CPNE4: variants seen among roughly 807,000 people sequenced by gnomAD.
CPNE4 encodes copine 4.
A neutral mutation model predicts 67.9 loss-of-function variants in CPNE4; 25 were observed. The ratio of observed to expected loss-of-function variants is 0.37; its 90% CI spans 0.27 to 0.51. The LOEUF (loss-of-function observed/expected upper bound fraction) is 0.51, where lower values mean the gene tolerates loss of function less well. Ranked by LOEUF, CPNE4 falls within the 20% of genes least tolerant of loss-of-function variation. CPNE4 has a pLI of 0.93. For synonymous variants in CPNE4, 242 were observed against 244.9 expected, an observed-to-expected ratio of 0.99 and a Z score of 0.11; for missense variants, 464 against 690.8, an observed-to-expected ratio of 0.67 and a Z score of 3.68.
intron 7 of CPNE4, among the ~76,000 whole-genome samples, chr3:131,669,123 C>G (rs1030409543): frequency 6.6e-6 from 1 of 152,046 alleles, no homozygotes; most frequent in East Asian, 1.9e-4. Flanking sequence ...ATGATGAGAG[C>G]CATATGGCCC....
chr3:131,878,095 T>C (rs2087528415), intron 2 of CPNE4, among the ~76,000 whole-genome samples: 1 of 152,178 alleles, frequency 6.6e-6, no homozygotes, highest in Non-Finnish European at 1.5e-5. Flanking sequence ...AAGCTAAACA[T>C]AGTCTCGCCT....
chr3:131,676,585 C>G (rs1265266975), intron 6 of CPNE4, among the ~76,000 whole-genome samples: 1 of 152,148 alleles, frequency 6.6e-6, no homozygotes, highest in Admixed American at 6.5e-5. Flanking sequence ...TCTATATGTC[C>G]GTGTGTTCTC....
chr3:131,744,820 T>G (rs1215291697), intron 2 of CPNE4, among the ~76,000 whole-genome samples: 2 of 152,244 alleles, frequency 1.3e-5, no homozygotes, highest in Non-Finnish European at 2.9e-5. Context: ...TACCACAGTT[T>G]GTTTAAACAC....
At chr3:131,823,040 C>T (rs1248391793) in intron 2 of CPNE4, among the ~76,000 whole-genome samples, 1 of 152,032 alleles carries the variant, frequency 6.6e-6, no homozygotes, top group East Asian at 1.9e-4. Context: ...AGGGTTTCAC[C>T]GTGTTAGCCA....
chr3:132,024,695 C>T (rs1033349509), intron 1 of CPNE4, among the ~76,000 whole-genome samples: 1 of 152,136 alleles, frequency 6.6e-6, no homozygotes, highest in African/African-American at 2.4e-5. Context: ...AAGTCTAGTA[C>T]AGCACATTAC....
intron 1 of CPNE4, among the ~76,000 whole-genome samples, chr3:131,994,572 A>G (rs1053671880): frequency 6.6e-6 from 1 of 152,208 alleles, no homozygotes; most frequent in Non-Finnish European, 1.5e-5. Context: ...CCAGCCCTTC[A>G]AAGTTCAGGT....
At chr3:131,783,489 G>A (rs527399228) in intron 2 of CPNE4, among the ~76,000 whole-genome samples, 1 of 152,184 alleles carries the variant, frequency 6.6e-6, no homozygotes, top group African/African-American at 2.4e-5. Flanking sequence ...CTCTGGAGGT[G>A]GTGGCAGTAG....
chr3:131,841,190 A>T (rs2085767802), intron 2 of CPNE4, among the ~76,000 whole-genome samples: 1 of 152,254 alleles, frequency 6.6e-6, no homozygotes, highest in Non-Finnish European at 1.5e-5. Context: ...TTTGGTTTAA[A>T]GTCCCATAAG....
intron 1 of CPNE4, among the ~76,000 whole-genome samples, chr3:131,986,323 A>G (rs892145576): frequency 6.6e-6 from 1 of 152,198 alleles, no homozygotes; most frequent in African/African-American, 2.4e-5. Context: ...ATGTCATTGA[A>G]TAATTTGAAT....
chr3:131,547,455 C>CAA lies in CPNE4; in HGVS notation c.1302+2490_1302+2491dup, dbSNP rs56412825. On this transcript the variant is annotated intron_variant, in intron 14 of 15. Transcript: ENST00000429747. ...TGGGTGATAGACCAAGACCCTGTCG[C>CAA]AAAAAAAAAAAAAAAAAAAAAAAAA... 1.6e-4 allele frequency among the ~76,000 whole-genome samples: 6 copies of CAA among 36,524 alleles called. 2 individuals are homozygous for CAA. Among genetic ancestry groups the CAA allele is most frequent in the East Asian group, 1.6e-3 (2 of 1,240 alleles). 24.0% of individuals were successfully genotyped at this position (36,524 alleles called of 152,430 possible).
intron 1 of CPNE4, among the ~76,000 whole-genome samples, chr3:131,993,515 T>G (rs1252922727): frequency 8.8e-6 from 1 of 113,944 alleles, no homozygotes; most frequent in Non-Finnish European, 1.9e-5. Context: ...CTAAAGTTCT[T>G]ACATTCACTT....
intron 7 of CPNE4, 88 bp from the exon 8 acceptor site, chr3:131,587,670 G>T (rs1582849733): frequency 2.2e-6 from 2 of 922,586 alleles, no homozygotes; most frequent in East Asian, 5.1e-5. Context: ...AGAAAGAGTA[G>T]ATGAAAGATG....
chr3:131,565,817 G>C (rs1178435901), intron 10 of CPNE4, among the ~76,000 whole-genome samples: 5 of 110,854 alleles, frequency 4.5e-5, no homozygotes, highest in Admixed American at 3.3e-4. Flanking sequence ...CTAAGAGTAT[G>C]TAAAAAAAAA....
At chr3:131,631,038 G>A (rs1447301113) in intron 7 of CPNE4, among the ~76,000 whole-genome samples, 1 of 152,210 alleles carries the variant, frequency 6.6e-6, no homozygotes, top group African/African-American at 2.4e-5. Flanking sequence ...GAATTAGCAT[G>A]AAATCTCATT....
chr3:131,773,138 G>A (rs1340931059), intron 2 of CPNE4, among the ~76,000 whole-genome samples: 1 of 152,016 alleles, frequency 6.6e-6, no homozygotes, highest in Admixed American at 6.6e-5. Context: ...TTGGAATCTC[G>A]TAGCCTGCCA....
chr3:131,932,681 G>A (rs1016489069), intron 1 of CPNE4, among the ~76,000 whole-genome samples: 3 of 151,872 alleles, frequency 2.0e-5, no homozygotes, highest in East Asian at 1.9e-4. Flanking sequence ...TGAAGAGCAC[G>A]CACTGGGAGG....
chr3:131,969,340 T>C (rs1434137116), intron 1 of CPNE4, among the ~76,000 whole-genome samples: 1 of 151,958 alleles, frequency 6.6e-6, no homozygotes, highest in Non-Finnish European at 1.5e-5. Context: ...AACCTGCATG[T>C]TCTGCACATG....
rs149329708 is a variant in CPNE4, at chr3:131,933,310, C to T, written c.-1-27866G>A. The stretch of plus-strand genomic sequence containing the variant: ...ACAAAATCTTGGACTGAAGCAGTGG[C>T]AAAGGAAAAGAAGAAAAGGGAATAT... On this transcript the variant is annotated intron_variant, in intron 1 of 15. Transcript: ENST00000429747. 7.6e-3 allele frequency among the ~76,000 whole-genome samples: 1,158 copies of T among 151,746 alleles called. 16 individuals carry two copies. Among genetic ancestry groups the T allele is most frequent in the African/African-American group, 0.026 (1,077 of 41,318 alleles).
chr3:131,791,688 G>A (rs1034913187), intron 2 of CPNE4, among the ~76,000 whole-genome samples: 3 of 152,122 alleles, frequency 2.0e-5, no homozygotes, highest in African/African-American at 4.8e-5. Context: ...CCCTGACTGC[G>A]TACTCTTCAG....
Sources: allele counts gnomAD v4.1 joint callset (sites outside exome capture counted in the v4.1 genomes callset), GRCh38; gene constraint gnomAD v4.1.1; transcripts MANE v1.5; gene names NCBI Gene and HGNC (gene_info 2026-07-23, HGNC 2026-07-21).